The following AGBL1 variants were observed in gnomAD, a reference collection of about 807,000 sequenced individuals.
AGBL1 encodes the protein AGBL carboxypeptidase 1.
A neutral mutation model predicts 118.9 loss-of-function variants in AGBL1; 130 were observed. The observed-to-expected ratio is 1.09, with a 90% CI of 0.95 to 1.26. AGBL1 has a LOEUF of 1.26. Among genes scored for constraint, AGBL1 ranks in the 50% most tolerant of loss-of-function variants. The pLI, the probability that AGBL1 is intolerant of heterozygous loss-of-function variation, is 0.00. For missense variants in AGBL1, 1,584 were observed against 1,298.1 expected, an observed-to-expected ratio of 1.22 and a Z score of -3.38; for synonymous variants, 555 against 478.9, an observed-to-expected ratio of 1.16 and a Z score of -2.08.
intron 22 of AGBL1, among the ~76,000 whole-genome samples, chr15:86,863,873 G>C (rs1326755676): frequency 1.3e-5 from 2 of 152,118 alleles, no homozygotes; most frequent in African/African-American, 4.8e-5. Flanking sequence ...CTTAAAATGG[G>C]GATTATAAGA....
chr15:86,802,447 C>G (rs994159315), intron 22 of AGBL1, among the ~76,000 whole-genome samples: 1 of 152,078 alleles, frequency 6.6e-6, no homozygotes, highest in African/African-American at 2.4e-5. Flanking sequence ...GTTCAAGTTC[C>G]ACCATGCACC....
intron 21 of AGBL1, among the ~76,000 whole-genome samples, chr15:86,606,521 T>C (rs1302819976): frequency 2.0e-5 from 3 of 152,196 alleles, no homozygotes; most frequent in Non-Finnish European, 4.4e-5. Context: ...TTAAATAGAA[T>C]TTAATCTGCT....
At chr15:86,702,935 A>G (rs972221032) in intron 22 of AGBL1, among the ~76,000 whole-genome samples, 1 of 152,004 alleles carries the variant, frequency 6.6e-6, no homozygotes, top group Non-Finnish European at 1.5e-5. Flanking sequence ...GAAAAGAAAT[A>G]TAATTCGAAG....
At chr15:86,362,536 A>G (rs1001995861) in intron 17 of AGBL1, among the ~76,000 whole-genome samples, 5 of 152,168 alleles carry the variant, frequency 3.3e-5, no homozygotes, top group African/African-American at 1.2e-4. Flanking sequence ...AGGGCCTGCT[A>G]TAGGGGACAG....
chr15:86,985,384 A>ATCTC (rs1450389094), intron 23 of AGBL1, among the ~76,000 whole-genome samples: 1 of 152,214 alleles, frequency 6.6e-6, no homozygotes. Context: ...GTTGCTTTAT[A>ATCTC]TCTCATCAGC....
In AGBL1 at chr15:86,358,111, C is replaced by T. The variant is rs532982285; in HGVS notation, c.2375-39255C>T. Among the ~76,000 whole-genome samples the T allele has an allele frequency of 1.6e-4, 24 of 152,146 alleles. No individual in the cohort carries two copies. The East Asian group carries it at 2.5e-3, about 16-fold the overall frequency. ...AGTATTATTAACTATGGTCAGCATG[C>T]TGTACAGTGGGTATTCAGAATTTAT... On this transcript the variant is annotated intron_variant, in intron 17 of 22. Transcript: ENST00000614907.
intron 22 of AGBL1, among the ~76,000 whole-genome samples, chr15:86,723,642 A>T (rs981459196): frequency 6.6e-6 from 1 of 152,162 alleles, no homozygotes; most frequent in Non-Finnish European, 1.5e-5. Flanking sequence ...GTACCCTAAA[A>T]CTTAAAGTAT....
intron 1 of AGBL1, among the ~76,000 whole-genome samples, chr15:86,123,075 A>C (rs926893573): frequency 6.6e-6 from 1 of 152,200 alleles, no homozygotes; most frequent in Admixed American, 6.5e-5. Context: ...GAAAATCTGC[A>C]TTCTATAGAG....
At chr15:87,031,401 T>A (rs1269023820), downstream of AGBL1, among the ~76,000 whole-genome samples, 1 of 151,940 alleles carries the variant, frequency 6.6e-6, no homozygotes, top group Non-Finnish European at 1.5e-5. Flanking sequence ...TCCCTTATTG[T>A]ATTAAGATAA....
intron 5 of AGBL1, among the ~76,000 whole-genome samples, chr15:86,196,906 C>CACACACAT (rs902326742): frequency 1.3e-5 from 2 of 151,540 alleles, no homozygotes; most frequent in African/African-American, 2.4e-5. Context: ...CACACACACA[C>CACACACAT]ACACACACAC....
intron 17 of AGBL1, among the ~76,000 whole-genome samples, chr15:86,368,279 A>T (rs1037790272): frequency 6.6e-6 from 1 of 152,034 alleles, no homozygotes; most frequent in Non-Finnish European, 1.5e-5. Context: ...TCACAGACGG[A>T]GGGAGAGAGA....
chr15:86,862,474 C>T (rs1268116335), intron 22 of AGBL1, among the ~76,000 whole-genome samples: 1 of 152,178 alleles, frequency 6.6e-6, no homozygotes, highest in Admixed American at 6.5e-5. Context: ...AATCCCAGCA[C>T]TTTGGGAGGC....
At chr15:86,546,654 T>C (rs915270682) in intron 20 of AGBL1, among the ~76,000 whole-genome samples, 9 of 152,210 alleles carry the variant, frequency 5.9e-5, no homozygotes, top group Admixed American at 2.0e-4. Flanking sequence ...ATGAGAATTC[T>C]ATAAAAAGCA....
chr15:86,105,028 A>G (rs1323228422), intron 1 of AGBL1: 5 of 152,038 alleles, frequency 3.3e-5, no homozygotes, highest in Admixed American at 2.0e-4. Flanking sequence ...AAGATGCCTG[A>G]TTTCCCTCTC....
chr15:86,564,805 T>C (rs1053816138), intron 21 of AGBL1, among the ~76,000 whole-genome samples: 1 of 152,226 alleles, frequency 6.6e-6, no homozygotes, highest in African/African-American at 2.4e-5. Context: ...CATAGTCCCA[T>C]ATTTCTTGGA....
chr15:86,120,352 T>G (rs1334427519), intron 1 of AGBL1, among the ~76,000 whole-genome samples: 3 of 152,356 alleles, frequency 2.0e-5, no homozygotes, highest in Middle Eastern at 3.4e-3. Context: ...GTTCCCATAG[T>G]ACTCAGTGAG....
chr15:87,017,397 G>A (rs1179537052), intron 24 of AGBL1, among the ~76,000 whole-genome samples: 6 of 152,128 alleles, frequency 3.9e-5, no homozygotes, highest in South Asian at 2.1e-4. Context: ...CAACATGTCC[G>A]TACTTCCCTG....
chr15:86,090,349 A>G (rs1457959475), intron 1 of AGBL1, among the ~76,000 whole-genome samples: 1 of 152,250 alleles, frequency 6.6e-6, no homozygotes, highest in Admixed American at 6.5e-5. Flanking sequence ...TGTAAATTAT[A>G]GGGAGGAAAA....
intron 22 of AGBL1, among the ~76,000 whole-genome samples, chr15:86,677,031 A>AC (rs1279138091): frequency 1.3e-5 from 2 of 151,998 alleles, no homozygotes; most frequent in African/African-American, 4.8e-5. Context: ...AACAACAACA[A>AC]AAAAAATGCA....
Sources: gnomAD v4.1 joint callset for allele counts (sites outside exome capture counted in the v4.1 genomes callset) on GRCh38, gnomAD v4.1.1 for gene constraint, MANE v1.5 for transcripts, NCBI Gene and HGNC (gene_info 2026-07-23, HGNC 2026-07-21) for gene names.